The following ADAM22 variants were observed in gnomAD, a reference collection of about 807,000 sequenced individuals.
The protein encoded by ADAM22 is ADAM metallopeptidase domain 22.
A neutral mutation model predicts 144.6 loss-of-function variants in ADAM22; 65 were observed. That is an observed-to-expected ratio of 0.45 (90% CI 0.37 to 0.55). The LOEUF is 0.55. ADAM22 is among the 20% of genes least tolerant of loss of function. ADAM22 has a pLI of 0.00. For synonymous variants in ADAM22, 391 were observed against 412.6 expected (o/e 0.95, Z 0.63); for missense variants, 974 against 1,184.9 (o/e 0.82, Z 2.61).
chr7:87,978,319 T>A lies in ADAM22; in HGVS notation c.247-17T>A. The A allele has an allele frequency of 6.2e-7, 1 of 1,606,308 alleles. No individual in the cohort carries two copies. ...TGGCTGAGTAATAAATAACCTTTTT[T>A]CTTTTTGATATTGTAGTTGACTCAT... On this transcript the variant is annotated splice_polypyrimidine_tract_variant and intron_variant, in intron 2 of 31. Transcript: ENST00000413139.
Position 88,171,529 on chromosome 7 carries a change from C to A in ADAM22, c.2283-15C>A. The A allele has an allele frequency of 6.3e-7, 1 of 1,586,660 alleles. No individual in the cohort carries two copies. The highest frequency in any genetic ancestry group is 1.2e-5 in the South Asian group (1 of 85,858). ...TCTTATGTTTTTCCCTCTTTCTCTT[C>A]TTGTCCATGAAAAGAAACTATCGAG... is the stretch of plus-strand genomic sequence containing the variant. On this transcript the variant is annotated splice_polypyrimidine_tract_variant and intron_variant, in intron 25 of 31. Transcript: ENST00000413139.
chr7:88,053,725 T>C (rs1807340948), intron 3 of ADAM22, among the ~76,000 whole-genome samples: 1 of 152,184 alleles, frequency 6.6e-6, no homozygotes, highest in Non-Finnish European at 1.5e-5. Flanking sequence ...TAGAAATGTT[T>C]CATTCTTTTT....
intron 3 of ADAM22, among the ~76,000 whole-genome samples, chr7:88,036,454 T>G (rs1801545572): frequency 6.6e-6 from 1 of 152,166 alleles, no homozygotes; most frequent in Non-Finnish European, 1.5e-5. Context: ...CAATTGTATT[T>G]TTAATATAGC....
At chr7:88,125,908 T>A (rs945363422) in intron 8 of ADAM22, among the ~76,000 whole-genome samples, 2 of 152,042 alleles carry the variant, frequency 1.3e-5, no homozygotes, top group Admixed American at 6.6e-5. Context: ...ATGAGGCTCC[T>A]GCTTGTGGCA....
chr7:87,986,930 C>T (rs1348281958), intron 3 of ADAM22, among the ~76,000 whole-genome samples: 2 of 152,078 alleles, frequency 1.3e-5, no homozygotes, highest in Admixed American at 6.5e-5. Context: ...ATACCACATA[C>T]ATACTATTTT....
chr7:87,996,042 A>G (rs1252467898), intron 3 of ADAM22, among the ~76,000 whole-genome samples: 1 of 152,164 alleles, frequency 6.6e-6, no homozygotes, highest in East Asian at 1.9e-4. Context: ...AAATTTGTTA[A>G]TTAGCTACTC....
chr7:88,168,378 G>C, intron 25 of ADAM22, 151 bp downstream of exon 25: 1 of 766,582 alleles, frequency 1.3e-6, no homozygotes, highest in Non-Finnish European at 2.3e-6. Context: ...CTTATTCTTG[G>C]CATGGCGAGA....
chr7:88,195,916 T>C (rs1234469846), intron 31 of ADAM22, among the ~76,000 whole-genome samples: 2 of 152,214 alleles, frequency 1.3e-5, no homozygotes, highest in Non-Finnish European at 2.9e-5. Context: ...ACTTCCCTGA[T>C]GTCAGTGGTT....
In ADAM22 at chr7:88,074,367, G is replaced by T. The variant is rs1813634659; in HGVS notation, c.324-1259G>T. Among the ~76,000 whole-genome samples the T allele has an allele frequency of 1.3e-5, 2 of 152,044 alleles. 1 individual carries two copies. The highest frequency in any genetic ancestry group is 4.1e-4 in the South Asian group (2 of 4,826). On this transcript the variant is annotated intron_variant, in intron 3 of 31. Transcript: ENST00000413139. Reference sequence around the variant, plus strand: ...TTCTTTTTATACTTTATACATCTGTGAATTCTGTTCATGTCTTACTAGCAA... The same window carrying T: ...TTCTTTTTATACTTTATACATCTGTTAATTCTGTTCATGTCTTACTAGCAA...
chr7:88,081,727 C>A (rs1161109957), intron 4 of ADAM22, among the ~76,000 whole-genome samples: 2 of 137,500 alleles, frequency 1.5e-5, no homozygotes, highest in African/African-American at 5.7e-5. Flanking sequence ...TGAGTGAACT[C>A]CCATTCACAA....
At chr7:88,113,687 TATAAATAAATAA>T (rs1219225144) in intron 5 of ADAM22, among the ~76,000 whole-genome samples, 10 of 69,028 alleles carry the variant, frequency 1.4e-4, no homozygotes, top group African/African-American at 6.6e-4. Context: ...ATATATATAT[TATAAATAAATAA>T]ATAAATATAT....
intron 4 of ADAM22, among the ~76,000 whole-genome samples, chr7:88,088,519 A>AAC (rs1038623141): frequency 1.3e-5 from 2 of 151,738 alleles, no homozygotes; most frequent in Non-Finnish European, 2.9e-5. Context: ...GGAAAAAAAA[A>AAC]AAAACACTAG....
chr7:88,071,114 T>C (rs781476438), intron 3 of ADAM22, among the ~76,000 whole-genome samples: 4 of 152,062 alleles, frequency 2.6e-5, no homozygotes, highest in Non-Finnish European at 5.9e-5. Context: ...GCAAGTACAG[T>C]GGAAAGAGGG....
chr7:87,955,355 C>G (rs1846388402), intron 2 of ADAM22, among the ~76,000 whole-genome samples: 1 of 152,174 alleles, frequency 6.6e-6, no homozygotes, highest in African/African-American at 2.4e-5. Context: ...TTCTAACAGA[C>G]AGGACCCTCA....
intron 4 of ADAM22, among the ~76,000 whole-genome samples, chr7:88,079,104 G>A (rs370861012): frequency 2.9e-4 from 44 of 152,214 alleles, no homozygotes; most frequent in African/African-American, 9.4e-4. Flanking sequence ...GAGAAAGGTC[G>A]GGTTACCCAC....
At chr7:88,184,963 C>CCGT (rs1343391241) in intron 29 of ADAM22, among the ~76,000 whole-genome samples, 2 of 152,220 alleles carry the variant, frequency 1.3e-5, no homozygotes, top group Non-Finnish European at 2.9e-5. Context: ...CCGGAAGTGG[C>CCGT]CGTCTGCCTG....
intron 4 of ADAM22, chr7:88,090,139 G>A (rs1412848515): frequency 6.6e-6 from 1 of 152,206 alleles, no homozygotes; most frequent in Admixed American, 6.6e-5. Context: ...TTTGGCAGAT[G>A]TGACTACCTG....
At chr7:88,025,809 C>T (rs963219254) in intron 3 of ADAM22, among the ~76,000 whole-genome samples, 1 of 152,094 alleles carries the variant, frequency 6.6e-6, no homozygotes, top group Admixed American at 6.6e-5. Context: ...ATGATTTCTT[C>T]AGTTTTGTTC....
chr7:87,943,333 G>A (rs1345267455), intron 2 of ADAM22, among the ~76,000 whole-genome samples: 2 of 151,574 alleles, frequency 1.3e-5, no homozygotes, highest in Admixed American at 1.3e-4. Context: ...TGGTAGAAGT[G>A]GGAATAGGAT....
Sources: allele counts gnomAD v4.1 joint callset (sites outside exome capture counted in the v4.1 genomes callset), GRCh38; gene constraint gnomAD v4.1.1; transcripts MANE v1.5; gene names NCBI Gene and HGNC (gene_info 2026-07-23, HGNC 2026-07-21).